The following WDR35 variants were observed in gnomAD, a reference collection of about 807,000 sequenced individuals.
WDR35 encodes the protein WD repeat domain 35.
Under a neutral mutation model 158.3 loss-of-function variants are expected in WDR35, and 118 were observed. The observed-to-expected ratio is 0.75, with a 90% CI of 0.64 to 0.87. WDR35 has a LOEUF of 0.87. Ranked by LOEUF, WDR35 falls within the 40% of genes least tolerant of loss-of-function variation. WDR35 has a pLI of 0.00. For synonymous variants in WDR35, 448 were observed against 476.1 expected (o/e 0.94, Z 0.77); for missense variants, 1,263 against 1,405.8 (o/e 0.90, Z 1.62).
intron 10 of WDR35, chr2:19,962,468 C>A: frequency 1.3e-6 from 1 of 771,910 alleles, no homozygotes. Flanking sequence ...AAACGTAATG[C>A]ACATTTTACA....
chr2:19,981,468 A>G (rs1439194948), intron 3 of WDR35, among the ~76,000 whole-genome samples: 1 of 152,112 alleles, frequency 6.6e-6, no homozygotes, highest in Non-Finnish European at 1.5e-5. Context: ...TCATTCCAAG[A>G]TCCAATCTAG....
Position 19,932,432 on chromosome 2 carries a change from C to G in WDR35, c.2674G>C (p.Glu892Gln). 6.2e-7 allele frequency: 1 copy of G among 1,613,196 alleles called. No homozygotes were observed. Among genetic ancestry groups the G allele is most frequent in the Non-Finnish European group, 8.5e-7 (1 of 1,179,492 alleles). The part of the protein sequence containing the change: ...VHLNQWNKAV[E>Q]LAKNHSMKEI... ...TTCATACTATGATTTTTAGCCAATTCAACAGCTTTGTTCCACTAGGAGAAA... is the reference window on the plus strand; with the variant it reads ...TTCATACTATGATTTTTAGCCAATTGAACAGCTTTGTTCCACTAGGAGAAA... Residue 892 changes from glutamate (E) to glutamine (Q), a missense_variant, in exon 23 of 27, where the codon GAA (glutamate) becomes CAA (glutamine). Glu to Gln is a conservative substitution (Grantham distance 29, BLOSUM62 2). Transcript: ENST00000281405.
At chr2:19,944,925 T>C (rs1246315459) in intron 16 of WDR35, among the ~76,000 whole-genome samples, 1 of 152,114 alleles carries the variant, frequency 6.6e-6, no homozygotes, top group Non-Finnish European at 1.5e-5. Flanking sequence ...TGCAAACAAA[T>C]GGAAATTAAT....
At chr2:19,975,009 G>A (rs1672160249) in intron 6 of WDR35, among the ~76,000 whole-genome samples, 1 of 152,162 alleles carries the variant, frequency 6.6e-6, no homozygotes, top group Admixed American at 6.5e-5. Flanking sequence ...ATACATCTAT[G>A]ATAGCTAAAC....
At chr2:19,917,321 C>A (rs1416579296) in intron 25 of WDR35, among the ~76,000 whole-genome samples, 1 of 152,094 alleles carries the variant, frequency 6.6e-6, no homozygotes, top group Non-Finnish European at 1.5e-5. Flanking sequence ...TTCCAAAAAC[C>A]AAAACACCTC....
In WDR35 at chr2:19,989,269, T is replaced by C. The variant is rs1480678302; in HGVS notation, c.38A>G (p.Asn13Ser). 2.0e-5 allele frequency: 32 copies of C among 1,614,188 alleles called. No individual in the cohort carries two copies. The highest frequency in any genetic ancestry group is 2.5e-5 in the Non-Finnish European group (29 of 1,180,028). ...FYLSKKISIP[N>S]NVKLQCVSWN... The stretch of plus-strand genomic sequence containing the variant: ...GGATACACACTGCAGCTTCACGTTA[T>C]TGGGAATGGAAATCTGAAAAAGCAA... The change falls in exon 2 of 27, where the codon AAT becomes AGT. Residue 13 changes from asparagine to serine, a missense_variant. Transcript: ENST00000281405.
chr2:19,923,666 G>T (rs1477355324), intron 25 of WDR35, among the ~76,000 whole-genome samples: 2 of 152,090 alleles, frequency 1.3e-5, no homozygotes, highest in Admixed American at 1.3e-4. Flanking sequence ...GTGACTGTTC[G>T]AACAGCACCT....
chr2:19,944,707 G>A (rs946716620), intron 16 of WDR35, among the ~76,000 whole-genome samples: 20 of 152,072 alleles, frequency 1.3e-4, no homozygotes, highest in African/African-American at 4.3e-4. Flanking sequence ...CCTAAGACTT[G>A]CAAAAGCTTT....
intron 6 of WDR35, 149 bp downstream of exon 6, chr2:19,975,381 T>A: frequency 9.6e-7 from 1 of 1,040,334 alleles, no homozygotes. Flanking sequence ...AAACAAAATT[T>A]AGACGATTGG....
intron 25 of WDR35, among the ~76,000 whole-genome samples, chr2:19,924,627 A>C (rs1383064903): frequency 1.3e-5 from 2 of 152,184 alleles, no homozygotes; most frequent in African/African-American, 4.8e-5. Context: ...TTAGCTTTTG[A>C]CAATGCTAAT....
intron 17 of WDR35, among the ~76,000 whole-genome samples, chr2:19,940,304 C>G (rs1186732642): frequency 6.6e-6 from 1 of 151,738 alleles, no homozygotes; most frequent in Non-Finnish European, 1.5e-5. Context: ...GGGGCAGAGG[C>G]TACAGTGAGC....
intron 19 of WDR35, among the ~76,000 whole-genome samples, chr2:19,936,939 T>C (rs940282333): frequency 4.6e-5 from 7 of 152,256 alleles, no homozygotes; most frequent in African/African-American, 1.4e-4. Context: ...GCCTTTACTT[T>C]CCTGGACTTT....
chr2:19,964,987 G>C (rs1253411163), intron 10 of WDR35, among the ~76,000 whole-genome samples: 1 of 151,666 alleles, frequency 6.6e-6, no homozygotes, highest in Non-Finnish European at 1.5e-5. Flanking sequence ...GCAATGGCAC[G>C]ATCCTGGCTC....
chr2:19,936,507 C>T (rs1003048345), intron 19 of WDR35, 142 bp from the exon 20 acceptor site: 1 of 1,221,346 alleles, frequency 8.2e-7, no homozygotes, highest in South Asian at 1.3e-5. Flanking sequence ...AGGAACTTAG[C>T]CTGACTAGCT....
At chr2:19,962,291 T>C (rs1671687909) in intron 10 of WDR35, 1 of 1,613,224 alleles carries the variant, frequency 6.2e-7, no homozygotes, top group Non-Finnish European at 8.5e-7. Context: ...ATTTCATTTG[T>C]TACCGTTGCA....
At chr2:19,919,070 T>C (rs1195046405) in intron 25 of WDR35, among the ~76,000 whole-genome samples, 1 of 151,920 alleles carries the variant, frequency 6.6e-6, no homozygotes, top group Non-Finnish European at 1.5e-5. Flanking sequence ...TGCAATCAAA[T>C]TAGAACTCAG....
At chr2:19,936,146 C>T in intron 20 of WDR35, 73 bp downstream of exon 20, 1 of 1,602,316 alleles carries the variant, frequency 6.2e-7, no homozygotes, top group East Asian at 2.2e-5. Context: ...CCCAGGATTA[C>T]TTCCTAGAGA....
intron 2 of WDR35, among the ~76,000 whole-genome samples, chr2:19,984,727 A>C (rs1193498796): frequency 6.6e-6 from 1 of 152,206 alleles, no homozygotes; most frequent in African/African-American, 2.4e-5. Context: ...AGCACACTAA[A>C]TCTTTGAGAA....
intron 25 of WDR35, among the ~76,000 whole-genome samples, chr2:19,919,261 G>A (rs953463441): frequency 6.6e-6 from 1 of 151,406 alleles, no homozygotes; most frequent in East Asian, 1.9e-4. Context: ...GGCGCCTGTA[G>A]TCCCAGCTAC....
Sources: allele counts gnomAD v4.1 joint callset (sites outside exome capture counted in the v4.1 genomes callset), GRCh38; gene constraint gnomAD v4.1.1; transcripts MANE v1.5; gene names NCBI Gene and HGNC (gene_info 2026-07-23, HGNC 2026-07-21).